The following GRIK2 variants were observed in gnomAD, a reference collection of about 807,000 sequenced individuals.
GRIK2 encodes the protein glutamate receptor ionotropic, kainate 2.
Under a neutral mutation model 100.3 loss-of-function variants are expected in GRIK2, and 32 were observed. The ratio of observed to expected loss-of-function variants is 0.32; its 90% CI spans 0.24 to 0.43. GRIK2 has a LOEUF of 0.43. Among genes scored for constraint, GRIK2 ranks in the 20% least tolerant of loss-of-function variants. The probability of loss-of-function intolerance (pLI) is 1.00; values close to 1 mark genes in which losing one functional copy is unlikely to be tolerated. For missense variants in GRIK2, 843 were observed against 1,114.9 expected, an observed-to-expected ratio of 0.76 and a Z score of 3.47; for synonymous variants, 417 against 389.4, an observed-to-expected ratio of 1.07 and a Z score of -0.83.
intron 2 of GRIK2, among the ~76,000 whole-genome samples, chr6:101,492,424 C>T (rs1312221842): frequency 1.3e-5 from 2 of 151,848 alleles, no homozygotes; most frequent in Non-Finnish European, 2.9e-5. Flanking sequence ...ATGAATGAAC[C>T]TCTTTCCTCA....
chr6:101,717,561 T>C (rs1218139140), intron 7 of GRIK2, among the ~76,000 whole-genome samples: 2 of 151,826 alleles, frequency 1.3e-5, no homozygotes, highest in Non-Finnish European at 2.9e-5. Context: ...GGAATTAAGA[T>C]ATGGCTTTGC....
chr6:101,555,654 T>A (rs1216883365), intron 2 of GRIK2, among the ~76,000 whole-genome samples: 1 of 152,210 alleles, frequency 6.6e-6, no homozygotes, highest in Non-Finnish European at 1.5e-5. Context: ...TTCAGAATTA[T>A]AATGTTTGTA....
chr6:101,472,599 T>C (rs1416542833), intron 2 of GRIK2, among the ~76,000 whole-genome samples: 1 of 151,872 alleles, frequency 6.6e-6, no homozygotes, highest in Non-Finnish European at 1.5e-5. Flanking sequence ...TACATACTAT[T>C]CAAAATTCAT....
intron 14 of GRIK2, among the ~76,000 whole-genome samples, chr6:102,007,843 G>T (rs1049551706): frequency 1.3e-5 from 2 of 151,958 alleles, no homozygotes; most frequent in Non-Finnish European, 2.9e-5. Flanking sequence ...ACATTTTATT[G>T]TCCCTTAGGG....
chr6:102,031,082 C>CAG (rs1769963021), intron 14 of GRIK2, among the ~76,000 whole-genome samples: 1 of 80,488 alleles, frequency 1.2e-5, no homozygotes, highest in Non-Finnish European at 2.3e-5. Context: ...GCATTACACA[C>CAG]ACACACACAC....
chr6:101,580,765 C>T (rs1290261731), intron 2 of GRIK2, among the ~76,000 whole-genome samples: 1 of 152,024 alleles, frequency 6.6e-6, no homozygotes, highest in Non-Finnish European at 1.5e-5. Context: ...GCCAGGCATG[C>T]TCCTGCCTCT....
chr6:101,684,185 G>A (rs993752302), intron 6 of GRIK2, among the ~76,000 whole-genome samples: 2 of 152,144 alleles, frequency 1.3e-5, no homozygotes, highest in African/African-American at 2.4e-5. Flanking sequence ...TTAGTGGTGG[G>A]GGTGGAGAGG....
intron 4 of GRIK2, among the ~76,000 whole-genome samples, chr6:101,636,696 G>T (rs895379601): frequency 2.0e-5 from 3 of 151,272 alleles, no homozygotes; most frequent in Non-Finnish European, 4.4e-5. Flanking sequence ...ATCCACACTA[G>T]ATCTAAAAAT....
chr6:101,505,371 T>C (rs930249755), intron 2 of GRIK2, among the ~76,000 whole-genome samples: 5 of 152,144 alleles, frequency 3.3e-5, no homozygotes, highest in Admixed American at 3.3e-4. Context: ...GGCAGTCTAA[T>C]ATTTTCTTAG....
At chr6:101,811,275 G>A (rs1351219075) in intron 9 of GRIK2, among the ~76,000 whole-genome samples, 1 of 151,960 alleles carries the variant, frequency 6.6e-6, no homozygotes, top group African/African-American at 2.4e-5. Context: ...GGAAAACTAT[G>A]GCTTATATTC....
At chr6:102,018,154 G>A (rs1001101588) in intron 14 of GRIK2, among the ~76,000 whole-genome samples, 1 of 152,030 alleles carries the variant, frequency 6.6e-6, no homozygotes, top group Non-Finnish European at 1.5e-5. Flanking sequence ...TAATGTAGTG[G>A]GAAGATATAA....
chr6:101,985,986 A>G lies in GRIK2; in HGVS notation c.2086-49355A>G, dbSNP rs370504696. Among the ~76,000 whole-genome samples the G allele has an allele frequency of 2.6e-5, 4 of 151,942 alleles. No homozygotes were observed. The East Asian group carries it at 5.8e-4, about 22-fold the overall frequency. On this transcript the variant is annotated intron_variant, in intron 14 of 16. Transcript: ENST00000369134. ...TCATTGCATATTTTGTCCTGATGCT[A>G]TTAAAAAGTATTTCCCACCTAAAGT... is the stretch of plus-strand genomic sequence containing the variant.
At chr6:102,023,865 A>T (rs1769556029) in intron 14 of GRIK2, among the ~76,000 whole-genome samples, 1 of 151,484 alleles carries the variant, frequency 6.6e-6, no homozygotes, top group African/African-American at 2.4e-5. Context: ...TGAGATTTAT[A>T]TCATGGAAAA....
chr6:101,692,650 C>T (rs561809920), intron 7 of GRIK2, among the ~76,000 whole-genome samples: 4 of 151,752 alleles, frequency 2.6e-5, no homozygotes, highest in South Asian at 4.2e-4. Flanking sequence ...TCCTGTTTTC[C>T]GTAATCATTT....
chr6:101,923,954 C>T lies in GRIK2; in HGVS notation c.1749-647C>T, dbSNP rs1227383524. 2.1e-5 allele frequency among the ~76,000 whole-genome samples: 3 copies of T among 145,374 alleles called. No homozygotes were observed. In the East Asian group the frequency reaches 6.0e-4, roughly 29 times the overall value. ...AAAAAAAAAAAAAAAAAAACCACAA[C>T]GCTTTGATACTTTGATATCATGCTG... On this transcript the variant is annotated intron_variant, in intron 12 of 16. Coordinates refer to ENST00000369134, the MANE Select transcript of GRIK2 (RefSeq NM_021956.5).
rs575502772 is a variant in GRIK2, at chr6:101,868,953, A to G, written c.1524+9460A>G. ...TAAATACATTTTATATACTTTAGAT[A>G]GTACAACAATAGAGATATTCTGAAA... On this transcript the variant is annotated intron_variant, in intron 11 of 16. Coordinates refer to ENST00000369134, the MANE Select transcript of GRIK2 (RefSeq NM_021956.5). Among the ~76,000 whole-genome samples the G allele has an allele frequency of 1.1e-3, 165 of 152,072 alleles. 3 individuals carry two copies. The highest frequency in any genetic ancestry group is 3.7e-3 in the African/African-American group (154 of 41,456).
At chr6:101,814,225 G>T (rs1225277475) in intron 9 of GRIK2, among the ~76,000 whole-genome samples, 2 of 151,836 alleles carry the variant, frequency 1.3e-5, no homozygotes, top group Non-Finnish European at 2.9e-5. Context: ...AAGGAGCAAG[G>T]CTAAATAAAG....
At chr6:101,442,983 A>G (rs1479251556) in intron 2 of GRIK2, among the ~76,000 whole-genome samples, 2 of 152,202 alleles carry the variant, frequency 1.3e-5, no homozygotes, top group African/African-American at 4.8e-5. Context: ...TAATGTTTAC[A>G]ATAGAATAGT....
At chr6:101,479,976 A>G (rs1407184028) in intron 2 of GRIK2, among the ~76,000 whole-genome samples, 1 of 152,216 alleles carries the variant, frequency 6.6e-6, no homozygotes, top group African/African-American at 2.4e-5. Context: ...CCATAAATCT[A>G]TAAAGCAACT....
Sources: allele counts gnomAD v4.1 joint callset (sites outside exome capture counted in the v4.1 genomes callset), GRCh38; gene constraint gnomAD v4.1.1; transcripts MANE v1.5; gene names NCBI Gene and HGNC (gene_info 2026-07-23, HGNC 2026-07-21).